PPARGC1A: variants seen among roughly 807,000 people sequenced by gnomAD.
PPARGC1A encodes PPARG coactivator 1 alpha.
A neutral mutation model predicts 88.7 loss-of-function variants in PPARGC1A; 25 were observed. That is an observed-to-expected ratio of 0.28 (90% CI 0.21 to 0.39). The LOEUF (loss-of-function observed/expected upper bound fraction) is 0.39. PPARGC1A is among the 10% of genes least tolerant of loss of function. The pLI, the probability that PPARGC1A is intolerant of heterozygous loss-of-function variation, is 1.00. For synonymous variants in PPARGC1A, 363 were observed against 355.6 expected (o/e 1.02, Z -0.24); for missense variants, 880 against 968.7 (o/e 0.91, Z 1.22).
chr4:23,901,296 G>A (rs1164628233), upstream of PPARGC1A, among the ~76,000 whole-genome samples: 1 of 151,738 alleles, frequency 6.6e-6, no homozygotes, highest in Non-Finnish European at 1.5e-5. Flanking sequence ...CGTGAACCCG[G>A]GAGGCGGAGC....
chr4:23,808,833 A>C (rs987766939), intron 10 of PPARGC1A, among the ~76,000 whole-genome samples: 1 of 152,222 alleles, frequency 6.6e-6, no homozygotes, highest in Non-Finnish European at 1.5e-5. Flanking sequence ...AGCAATGAAA[A>C]GTTTATAGAT....
chr4:23,965,799 C>T, the PPARGC1A span, among the ~76,000 whole-genome samples: 8,376 of 152,160 alleles, frequency 0.055, 297 homozygotes, highest in East Asian at 0.15. Flanking sequence ...AGCCTGACTG[C>T]GACAACTAAT....
At chr4:24,099,240 T>A in the PPARGC1A span, among the ~76,000 whole-genome samples, 1 of 143,860 alleles carries the variant, frequency 7.0e-6, no homozygotes, top group African/African-American at 2.6e-5. Flanking sequence ...CTATACGATA[T>A]ATTTGAGGGA....
At chr4:24,035,561 TAAATAAAATAAA>T in the PPARGC1A span, among the ~76,000 whole-genome samples, 5 of 151,196 alleles carry the variant, frequency 3.3e-5, 1 homozygote, top group East Asian at 5.8e-4. Context: ...ATAATAATAA[TAAATAAAATAAA>T]AAATAAAATA....
At chr4:24,382,539 T>C in the PPARGC1A span, among the ~76,000 whole-genome samples, 1 of 152,128 alleles carries the variant, frequency 6.6e-6, no homozygotes, top group Non-Finnish European at 1.5e-5. Context: ...TATCTAGACA[T>C]GTTTGTAGAC....
chr4:24,390,943 T>G, the PPARGC1A span, among the ~76,000 whole-genome samples: 89 of 152,184 alleles, frequency 5.8e-4, no homozygotes, highest in African/African-American at 2.1e-3. Flanking sequence ...AGGAAAGCTT[T>G]TAGTTAAGAG....
chr4:24,365,456 A>T, the PPARGC1A span, among the ~76,000 whole-genome samples: 1 of 152,212 alleles, frequency 6.6e-6, no homozygotes, highest in African/African-American at 2.4e-5. Flanking sequence ...ATTAGCAATT[A>T]ATTAAATCTA....
the PPARGC1A span, among the ~76,000 whole-genome samples, chr4:23,930,856 A>G: frequency 1.3e-5 from 2 of 152,232 alleles, no homozygotes; most frequent in Non-Finnish European, 2.9e-5. Context: ...TGAGTTAGTC[A>G]TAATAATATC....
chr4:24,076,704 T>G, the PPARGC1A span, among the ~76,000 whole-genome samples: 1 of 152,124 alleles, frequency 6.6e-6, no homozygotes, highest in Non-Finnish European at 1.5e-5. Context: ...GTTTGCAAAT[T>G]ATAGTAGCCC....
At chr4:23,817,063 G>A (rs934533125) in intron 7 of PPARGC1A, among the ~76,000 whole-genome samples, 6 of 152,176 alleles carry the variant, frequency 3.9e-5, no homozygotes, top group South Asian at 2.1e-4. Flanking sequence ...TCTGCCGCAC[G>A]CCACTTTGTA....
chr4:23,965,376 A>T, the PPARGC1A span, among the ~76,000 whole-genome samples: 2 of 152,150 alleles, frequency 1.3e-5, no homozygotes, highest in Non-Finnish European at 2.9e-5. Flanking sequence ...TGTCTGGCCC[A>T]CAGTGGGGGT....
At chr4:23,797,773 A>G (rs573512133) in intron 12 of PPARGC1A, among the ~76,000 whole-genome samples, 1 of 152,188 alleles carries the variant, frequency 6.6e-6, no homozygotes, top group Non-Finnish European at 1.5e-5. Flanking sequence ...AGGCAATAAC[A>G]TCTACTCCAC....
the PPARGC1A span, among the ~76,000 whole-genome samples, chr4:24,015,471 C>T: frequency 6.6e-6 from 1 of 152,002 alleles, no homozygotes; most frequent in South Asian, 2.1e-4. Context: ...TCTTTTTCAC[C>T]TTCACTTTCA....
chr4:23,970,897 G>A, the PPARGC1A span, among the ~76,000 whole-genome samples: 1 of 152,032 alleles, frequency 6.6e-6, no homozygotes, highest in Non-Finnish European at 1.5e-5. Flanking sequence ...ACTCACTTTT[G>A]TCTATTTCCT....
the PPARGC1A span, among the ~76,000 whole-genome samples, chr4:23,933,777 C>T: frequency 1.1e-4 from 16 of 152,352 alleles, 1 homozygote; most frequent in South Asian, 3.1e-3. Context: ...CTTTCACATA[C>T]ATCACCTAAT....
At chr4:23,917,759 T>C in the PPARGC1A span, among the ~76,000 whole-genome samples, 1 of 152,270 alleles carries the variant, frequency 6.6e-6, no homozygotes, top group African/African-American at 2.4e-5. Flanking sequence ...CATTGATTGA[T>C]AACTAAAATT....
chr4:24,434,602 G>A, the PPARGC1A span, among the ~76,000 whole-genome samples: 2 of 152,196 alleles, frequency 1.3e-5, no homozygotes, highest in Non-Finnish European at 2.9e-5. Context: ...TGCTCTCTAA[G>A]GTCATGGTCG....
chr4:24,076,599 TG>T, the PPARGC1A span, among the ~76,000 whole-genome samples: 5 of 152,112 alleles, frequency 3.3e-5, no homozygotes, highest in Non-Finnish European at 7.4e-5. Context: ...GTGCCAAGCC[TG>T]GGGGGCTGGA....
chr4:24,198,023 A>G, the PPARGC1A span, among the ~76,000 whole-genome samples: 2 of 152,260 alleles, frequency 1.3e-5, no homozygotes, highest in African/African-American at 4.8e-5. Flanking sequence ...TGAAATTCCA[A>G]CTGTCCTCAA....
Sources: allele counts gnomAD v4.1 joint callset (sites outside exome capture counted in the v4.1 genomes callset), GRCh38; gene constraint gnomAD v4.1.1; transcripts MANE v1.5; gene names NCBI Gene and HGNC (gene_info 2026-07-23, HGNC 2026-07-21).